MTMR3: variants seen among roughly 807,000 people sequenced by gnomAD.
MTMR3 encodes phosphatidylinositol-3,5-bisphosphate 3-phosphatase MTMR3.
A neutral mutation model predicts 132.4 loss-of-function variants in MTMR3; 32 were observed. The ratio of observed to expected loss-of-function variants is 0.24; its 90% CI spans 0.18 to 0.32. MTMR3 has a LOEUF of 0.32. MTMR3 is among the 10% of genes least tolerant of loss of function. The pLI is 1.00. For missense variants in MTMR3, 1,216 were observed against 1,489.6 expected, an observed-to-expected ratio of 0.82 and a Z score of 3.02; for synonymous variants, 556 against 550.3, an observed-to-expected ratio of 1.01 and a Z score of -0.14.
At chr22:29,895,124 C>A (rs1420240377) in intron 1 of MTMR3, among the ~76,000 whole-genome samples, 1 of 152,130 alleles carries the variant, frequency 6.6e-6, no homozygotes, top group Non-Finnish European at 1.5e-5. Context: ...AGGAGAATCA[C>A]TTGAACCTGG....
intron 1 of MTMR3, among the ~76,000 whole-genome samples, chr22:29,906,194 A>G (rs993067530): frequency 1.3e-5 from 2 of 152,132 alleles, no homozygotes; most frequent in Non-Finnish European, 2.9e-5. Context: ...TGTCTTCTAA[A>G]GAGACCAGTA....
In MTMR3 at chr22:29,967,236, TGCGCGC is replaced by T. The variant is rs140226487; in HGVS notation, c.-84-3731_-84-3726del. ...GTGTGTGTGTGTGTGTGTGTGTGCA[TGCGCGC>T]GCGCGCGCATGTTTTTTAGAGACAA... is the stretch of plus-strand genomic sequence containing the variant. On this transcript the variant is annotated intron_variant, in intron 2 of 19. Coordinates refer to ENST00000401950, the MANE Select transcript of MTMR3 (RefSeq NM_021090.4). 1.6e-4 allele frequency among the ~76,000 whole-genome samples: 22 copies of T among 139,614 alleles called. 1 individual carries two copies. The highest frequency in any genetic ancestry group is 3.0e-4 in the Non-Finnish European group (19 of 63,250). 91.6% of individuals were successfully genotyped at this position (139,614 alleles called of 152,430 possible).
chr22:29,921,416 C>T (rs1423544785), intron 1 of MTMR3, among the ~76,000 whole-genome samples: 1 of 152,172 alleles, frequency 6.6e-6, no homozygotes, highest in Non-Finnish European at 1.5e-5. Flanking sequence ...CGTTTGGGAT[C>T]ACATTTCACC....
chr22:29,926,987 T>A lies in MTMR3; in HGVS notation c.-137-30049T>A, dbSNP rs7289121. Among the ~76,000 whole-genome samples the A allele has an allele frequency of 4.5e-3, 681 of 152,342 alleles. 6 individuals are homozygous for A. Among genetic ancestry groups the A allele is most frequent in the African/African-American group, 0.015 (643 of 41,584 alleles). Reference sequence around the variant, plus strand: ...GTTTTTGCACTTACATTTAGGTCTGTGTCTATTTTGAGTTAATTTTTGTAT... The same window carrying A: ...GTTTTTGCACTTACATTTAGGTCTGAGTCTATTTTGAGTTAATTTTTGTAT... On this transcript the variant is annotated intron_variant, in intron 1 of 19. Coordinates refer to ENST00000401950, the MANE Select transcript of MTMR3 (RefSeq NM_021090.4).
At chr22:29,883,884 C>T (rs1397142171) in intron 1 of MTMR3, among the ~76,000 whole-genome samples, 1 of 152,152 alleles carries the variant, frequency 6.6e-6, no homozygotes, top group Non-Finnish European at 1.5e-5. Context: ...GCAGGGCATC[C>T]CCCTGACCTG....
intron 7 of MTMR3, 127 bp from the exon 8 acceptor site, chr22:29,998,634 T>C (rs5763689): frequency 0.77 from 351,667 of 456,846 alleles, 136,904 homozygotes; most frequent in East Asian, 0.93. Context: ...CAGAGTGGAA[T>C]CCTGTCTCAA....
chr22:30,012,600 G>T (rs2067459812), intron 13 of MTMR3, 37 bp downstream of exon 13: 1 of 1,549,768 alleles, frequency 6.5e-7, no homozygotes, highest in Non-Finnish European at 8.7e-7. Flanking sequence ...GGTACTTCAG[G>T]ATGAGCCAGG....
intron 19 of MTMR3, chr22:30,022,988 CA>C: frequency 2.2e-6 from 1 of 457,180 alleles, no homozygotes; most frequent in South Asian, 2.8e-5. Flanking sequence ...TTATTCTCAG[CA>C]TAACATTTCT....
chr22:29,984,685 A>C, intron 5 of MTMR3: 2 of 152,364 alleles, frequency 1.3e-5, no homozygotes, highest in East Asian at 3.9e-4. Context: ...ATGAGTTGCT[A>C]CAAGACATTG....
intron 1 of MTMR3, among the ~76,000 whole-genome samples, chr22:29,930,996 G>T (rs1016080476): frequency 1.1e-4 from 16 of 146,886 alleles, no homozygotes; most frequent in African/African-American, 3.5e-4. Context: ...ATCAGAGTGT[G>T]AGACGCTGTC....
chr22:29,900,110 AT>A (rs2064977090), intron 1 of MTMR3, among the ~76,000 whole-genome samples: 1 of 152,198 alleles, frequency 6.6e-6, no homozygotes, highest in Admixed American at 6.6e-5. Flanking sequence ...GCTTAATGAA[AT>A]TTTAAAATTA....
In MTMR3 at chr22:29,981,079, AGTTCCCTCT is replaced by A. The variant is rs1461918669; in HGVS notation, c.210+2030_210+2038del. Reference sequence around the variant, plus strand: ...CTCCTGTGAAGCCTTTCTTAGTCCCAGTTCCCTCTGTGACAGTTAACTACACTCTTTCTT... The same window carrying A: ...CTCCTGTGAAGCCTTTCTTAGTCCCAGTGACAGTTAACTACACTCTTTCTT... On this transcript the variant is annotated intron_variant, in intron 5 of 19. Transcript: ENST00000401950. 3.3e-5 allele frequency: 5 copies of A among 151,660 alleles called. No individual in the cohort carries two copies. In the East Asian group the frequency reaches 9.8e-4, roughly 30 times the overall value. The allele number at this position is 151,660 out of a possible 1,614,324, so 9.4% of individuals were successfully genotyped here.
At chr22:29,914,241 G>A (rs746721141) in intron 1 of MTMR3, among the ~76,000 whole-genome samples, 1 of 152,044 alleles carries the variant, frequency 6.6e-6, no homozygotes, top group Admixed American at 6.6e-5. Flanking sequence ...AGAATTCCAG[G>A]GCTCCAAATC....
chr22:29,913,242 A>G (rs7284365), intron 1 of MTMR3, among the ~76,000 whole-genome samples: 140,346 of 152,182 alleles, frequency 0.92, 64,789 homozygotes, highest in East Asian at 1. Flanking sequence ...CGAGACTCCC[A>G]TCTCAAAACA....
chr22:29,886,077 CAT>C (rs1244080164), intron 1 of MTMR3, among the ~76,000 whole-genome samples: 5 of 152,302 alleles, frequency 3.3e-5, no homozygotes, highest in Admixed American at 2.0e-4. Flanking sequence ...CAGTTATCCG[CAT>C]ATTCTGTGCC....
chr22:29,919,472 A>G (rs1233889040), intron 1 of MTMR3, among the ~76,000 whole-genome samples: 2 of 152,190 alleles, frequency 1.3e-5, no homozygotes, highest in African/African-American at 4.8e-5. Flanking sequence ...ACCAGATAAG[A>G]TATGTGATCC....
intron 1 of MTMR3, among the ~76,000 whole-genome samples, chr22:29,944,495 A>G (rs1426451845): frequency 6.6e-6 from 1 of 152,184 alleles, no homozygotes; most frequent in Non-Finnish European, 1.5e-5. Context: ...CCCCACAAGA[A>G]GACAGGAAGT....
chr22:29,911,987 G>A (rs757407004), intron 1 of MTMR3, among the ~76,000 whole-genome samples: 7 of 152,150 alleles, frequency 4.6e-5, no homozygotes, highest in Non-Finnish European at 1.0e-4. Context: ...TTACAAAGTA[G>A]CTATGATAAA....
At chr22:29,933,099 G>C (rs1225736628) in intron 1 of MTMR3, among the ~76,000 whole-genome samples, 2 of 152,076 alleles carry the variant, frequency 1.3e-5, no homozygotes, top group Non-Finnish European at 2.9e-5. Context: ...CTCCCTAGTA[G>C]CTGGGACTAC....
Sources: gnomAD v4.1 joint callset for allele counts (sites outside exome capture counted in the v4.1 genomes callset) on GRCh38, gnomAD v4.1.1 for gene constraint, MANE v1.5 for transcripts, NCBI Gene and HGNC (gene_info 2026-07-23, HGNC 2026-07-21) for gene names.